The following FAT3 variants were observed in gnomAD, a reference collection of about 807,000 sequenced individuals.
FAT3 encodes the protein protocadherin Fat 3.
FAT3 carries 95 observed loss-of-function variants against 310.2 expected under a neutral mutation model. The observed-to-expected ratio is 0.31, with a 90% CI of 0.26 to 0.36. The LOEUF is 0.36. Among genes scored for constraint, FAT3 ranks in the 10% least tolerant of loss-of-function variants. The pLI is 1.00. For synonymous variants in FAT3, 2,314 were observed against 2,192.9 expected, an observed-to-expected ratio of 1.06 and a Z score of -1.54; for missense variants, 5,408 against 5,715.6, an observed-to-expected ratio of 0.95 and a Z score of 1.74.
At chr11:92,591,344 T>C (rs1166142673) in intron 3 of FAT3, among the ~76,000 whole-genome samples, 1 of 152,100 alleles carries the variant, frequency 6.6e-6, no homozygotes, top group African/African-American at 2.4e-5. Flanking sequence ...CTGCATTGGA[T>C]TGGTTTCCTC....
chr11:92,607,066 T>C (rs115801436), intron 3 of FAT3, among the ~76,000 whole-genome samples: 1,757 of 152,340 alleles, frequency 0.012, 40 homozygotes, highest in African/African-American at 0.04. Flanking sequence ...AACTCGTGGA[T>C]GTCCTTAGTG....
intron 4 of FAT3, among the ~76,000 whole-genome samples, chr11:92,755,636 T>A (rs1315640659): frequency 6.6e-6 from 1 of 152,258 alleles, no homozygotes; most frequent in African/African-American, 2.4e-5. Flanking sequence ...AAACGTCATG[T>A]TGTATATCAT....
At chr11:92,278,758 T>C (rs191891930) in intron 1 of FAT3, among the ~76,000 whole-genome samples, 57 of 152,288 alleles carry the variant, frequency 3.7e-4, no homozygotes, top group African/African-American at 1.3e-3. Context: ...ATTTGGAACA[T>C]GCAGCAATTC....
Position 92,352,885 on chromosome 11 carries a change from G to T in FAT3, c.773G>T (p.Arg258Leu), listed in dbSNP as rs780559377. Residue 258 changes from arginine to leucine, a missense_variant, in exon 2 of 28, where the codon CGC becomes CTC. Around this residue, in one of 5 missense-constraint regions of FAT3, gnomAD observed 4,588 missense variants for 4,809.8 expected, o/e 0.95. Transcript: ENST00000525166. ...STAKLYVHIE[R>L]INEHAPTIHV... ...GCAAAGCTTTATGTTCACATTGAGC[G>T]CATAAATGAACATGCCCCAACAATC... The T allele has an allele frequency of 1.2e-6, 2 of 1,613,738 alleles. No homozygotes were observed. Among genetic ancestry groups the T allele is most frequent in the African/African-American group, 1.3e-5 (1 of 74,886 alleles).
chr11:92,463,086 G>T (rs528675641), intron 2 of FAT3, among the ~76,000 whole-genome samples: 1 of 152,340 alleles, frequency 6.6e-6, no homozygotes, highest in Admixed American at 6.5e-5. Context: ...AGCATCATTT[G>T]ATGTGCTTTG....
At chr11:92,732,630 A>G (rs916039162) in intron 4 of FAT3, among the ~76,000 whole-genome samples, 3 of 152,252 alleles carry the variant, frequency 2.0e-5, no homozygotes, top group Non-Finnish European at 4.4e-5. Flanking sequence ...TCTGAGCTAT[A>G]CAACCTTGGG....
intron 21 of FAT3, among the ~76,000 whole-genome samples, chr11:92,865,706 G>A (rs1438007225): frequency 1.3e-5 from 2 of 152,214 alleles, no homozygotes; most frequent in African/African-American, 4.8e-5. Flanking sequence ...AGAACAAGGT[G>A]GACGACACAG....
intron 3 of FAT3, among the ~76,000 whole-genome samples, chr11:92,629,505 A>T (rs1941470392): frequency 6.6e-6 from 1 of 150,864 alleles, no homozygotes; most frequent in Non-Finnish European, 1.5e-5. Context: ...TCCTGGGCTC[A>T]AGCAATCCTC....
intron 2 of FAT3, among the ~76,000 whole-genome samples, chr11:92,378,366 T>A (rs1949404978): frequency 6.6e-6 from 1 of 152,198 alleles, no homozygotes. Flanking sequence ...TCGAGATAGT[T>A]ATAATCTTTC....
At chr11:92,680,645 G>A (rs1943456167) in intron 3 of FAT3, among the ~76,000 whole-genome samples, 2 of 152,050 alleles carry the variant, frequency 1.3e-5, no homozygotes, top group South Asian at 4.1e-4. Context: ...AAAATTAAAT[G>A]TACTTAATAA....
At chr11:92,292,538 A>T (rs137894002) in intron 1 of FAT3, among the ~76,000 whole-genome samples, 1 of 152,174 alleles carries the variant, frequency 6.6e-6, no homozygotes, top group African/African-American at 2.4e-5. Context: ...CAGAATGAGG[A>T]TGCTACAGTG....
chr11:92,552,554 A>C (rs1166715239), intron 3 of FAT3, among the ~76,000 whole-genome samples: 1 of 152,158 alleles, frequency 6.6e-6, no homozygotes, highest in Non-Finnish European at 1.5e-5. Context: ...GTTGAGAGAG[A>C]GGGAAAGATG....
chr11:92,797,048 G>A (rs566052325), intron 9 of FAT3, among the ~76,000 whole-genome samples: 1 of 152,264 alleles, frequency 6.6e-6, no homozygotes, highest in East Asian at 1.9e-4. Flanking sequence ...CAAATGCTTG[G>A]TGAATAGAAT....
rs749340731 is a variant in FAT3, at chr11:92,890,981, C to T, written c.13638C>T (p.Ser4546=). Residue 4546 remains serine (S), a synonymous_variant, in exon 28 of 28, where the codon TCC becomes TCT. Coordinates refer to ENST00000525166, the MANE Select transcript of FAT3 (RefSeq NM_001367949.2). ...LSLHNSRGTS[S]SDVSANCGFD... ...TGCACAATTCCAGAGGCACCTCATC[C>T]TCGGATGTGTCTGCCAACTGCGGCT... The T allele has an allele frequency of 6.2e-6, 10 of 1,613,842 alleles. No individual in the cohort carries two copies. Among genetic ancestry groups the T allele is most frequent in the Non-Finnish European group, 1.7e-6 (2 of 1,179,870 alleles).
chr11:92,551,414 T>TTGTTTTGTGTG (rs35238743), intron 3 of FAT3, among the ~76,000 whole-genome samples: 2,515 of 128,926 alleles, frequency 0.02, 34 homozygotes, highest in Non-Finnish European at 0.03. Flanking sequence ...TTTTTTTGTT[T>TTGTTTTGTGTG]TGTGTGTGTG....
At chr11:92,881,628 G>GC (rs1949672858) in intron 23 of FAT3, among the ~76,000 whole-genome samples, 1 of 152,108 alleles carries the variant, frequency 6.6e-6, no homozygotes, top group South Asian at 2.1e-4. Context: ...TTCAAATTAG[G>GC]TTTCGTTTGG....
At chr11:92,766,082 G>C (rs540783967) in intron 6 of FAT3, among the ~76,000 whole-genome samples, 17 of 152,248 alleles carry the variant, frequency 1.1e-4, no homozygotes, top group African/African-American at 3.6e-4. Context: ...GCAGATGGAA[G>C]CATGCAGGAT....
chr11:92,547,910 TGGGGG>T (rs1253794102), intron 3 of FAT3, among the ~76,000 whole-genome samples: 1 of 152,148 alleles, frequency 6.6e-6, no homozygotes. Flanking sequence ...GCAGAGGCTC[TGGGGG>T]GCACATCTCC....
At chr11:92,746,970 A>G (rs1421076270) in intron 4 of FAT3, among the ~76,000 whole-genome samples, 1 of 152,074 alleles carries the variant, frequency 6.6e-6, no homozygotes, top group East Asian at 1.9e-4. Context: ...GCTTTCATGG[A>G]CTGACATTGT....
Sources: allele counts gnomAD v4.1 joint callset (sites outside exome capture counted in the v4.1 genomes callset), GRCh38; gene constraint gnomAD v4.1.1; regional missense constraint gnomAD v4.1.1; transcripts MANE v1.5; gene names NCBI Gene and HGNC (gene_info 2026-07-23, HGNC 2026-07-21).